MAST4: variants seen among roughly 807,000 people sequenced by gnomAD.
MAST4 encodes the protein microtubule associated serine/threonine kinase family member 4, also known as microtubule-associated serine/threonine-protein kinase 4.
A neutral mutation model predicts 162.7 loss-of-function variants in MAST4; 89 were observed. The observed-to-expected ratio is 0.55, with a 90% CI of 0.46 to 0.65. The LOEUF (loss-of-function observed/expected upper bound fraction) is 0.65, where lower values mean the gene tolerates loss of function less well. Ranked by LOEUF, MAST4 falls within the 30% of genes least tolerant of loss-of-function variation. The pLI, the probability that MAST4 is intolerant of heterozygous loss-of-function variation, is 0.00. For synonymous variants in MAST4, 1,479 were observed against 1,361.1 expected (o/e 1.09, Z -1.91); for missense variants, 3,153 against 3,374.0 (o/e 0.93, Z 1.62).
Position 67,164,196 on chromosome 5 carries a change from C to T in MAST4, c.5017C>T (p.Leu1673Phe). 6.2e-7 allele frequency: 1 copy of T among 1,612,812 alleles called. No individual in the cohort carries two copies. Among genetic ancestry groups the T allele is most frequent in the South Asian group, 1.1e-5 (1 of 90,720 alleles). Residue 1673 changes from leucine to phenylalanine, a missense_variant, in exon 29 of 29, where the codon CTT becomes TTT. Physicochemically the swap from Leu to Phe is conservative, Grantham distance 22. Around this residue, in one of 7 missense-constraint regions of MAST4, gnomAD observed 1,644 missense variants for 1,495.0 expected, o/e 1.10. Transcript: ENST00000403625. This position sits in a 1 kb window ranked among gnomAD's most constrained non-coding sequence, Gnocchi z 5.3. ...GGAGAAGTCCTCCCAGGCCAAGGAG[C>T]TTCTCCGATGTGAAAAGTTAGACAG... ...GTEKSSQAKE[L>F]LRCEKLDSKL...
At chr5:67,061,111 C>G (rs1759520546) in intron 5 of MAST4, among the ~76,000 whole-genome samples, 1 of 152,104 alleles carries the variant, frequency 6.6e-6, no homozygotes, top group Non-Finnish European at 1.5e-5. Context: ...GAGATAACCC[C>G]TATTACCAGT....
At chr5:67,041,668 G>T (rs1231386993) in intron 4 of MAST4, among the ~76,000 whole-genome samples, 1 of 152,132 alleles carries the variant, frequency 6.6e-6, no homozygotes, top group Non-Finnish European at 1.5e-5. Context: ...TTGCTCTGTT[G>T]CCCAAACTGG....
chr5:66,772,646 G>A (rs1754410773), intron 2 of MAST4, among the ~76,000 whole-genome samples: 2 of 152,196 alleles, frequency 1.3e-5, no homozygotes, highest in Admixed American at 1.3e-4. Flanking sequence ...GAAAGCAAGT[G>A]ACTTGCCTGG....
chr5:66,653,623 G>A (rs1746366596), intron 1 of MAST4, among the ~76,000 whole-genome samples: 1 of 152,128 alleles, frequency 6.6e-6, no homozygotes, highest in Non-Finnish European at 1.5e-5. Flanking sequence ...TTTCCAGATG[G>A]GCCAGGGTGA....
chr5:66,862,206 T>C (rs971237627), intron 3 of MAST4, among the ~76,000 whole-genome samples: 5 of 152,252 alleles, frequency 3.3e-5, no homozygotes, highest in Non-Finnish European at 7.3e-5. Context: ...CTTAGAGCTA[T>C]GTTGAAAATT....
chr5:66,682,250 G>T (rs1224187997), intron 1 of MAST4, among the ~76,000 whole-genome samples: 2 of 152,184 alleles, frequency 1.3e-5, no homozygotes, highest in Non-Finnish European at 2.9e-5. Flanking sequence ...GGCTTTGAGT[G>T]GTTGGTGCCT....
chr5:66,949,542 A>G (rs1268129853), intron 4 of MAST4, among the ~76,000 whole-genome samples: 2 of 152,152 alleles, frequency 1.3e-5, no homozygotes, highest in Non-Finnish European at 2.9e-5. Context: ...GCCATGCTGA[A>G]CTGTGAGTCA....
chr5:67,135,006 C>T (rs1176011973), intron 18 of MAST4, among the ~76,000 whole-genome samples: 1 of 152,142 alleles, frequency 6.6e-6, no homozygotes, highest in Non-Finnish European at 1.5e-5. Flanking sequence ...GCCGTCCAGT[C>T]TTCCTTTCCA....
intron 1 of MAST4, among the ~76,000 whole-genome samples, chr5:66,674,198 A>G (rs904818486): frequency 2.0e-5 from 3 of 152,220 alleles, no homozygotes; most frequent in Non-Finnish European, 2.9e-5. Context: ...TGACTTGGTA[A>G]TTAAATGCTT....
At chr5:66,910,729 G>GTTTTTTTTTT (rs796681892) in intron 4 of MAST4, among the ~76,000 whole-genome samples, 2 of 112,804 alleles carry the variant, frequency 1.8e-5, no homozygotes, top group African/African-American at 3.6e-5. Flanking sequence ...TACACATGTG[G>GTTTTTTTTTT]TTTTTTTTTT....
chr5:66,898,094 C>T (rs1762797266), intron 3 of MAST4, among the ~76,000 whole-genome samples: 1 of 152,122 alleles, frequency 6.6e-6, no homozygotes, highest in East Asian at 1.9e-4. Flanking sequence ...TTGGACAGAG[C>T]AGTATTATTC....
chr5:66,790,053 C>A (rs983739240), intron 3 of MAST4, among the ~76,000 whole-genome samples: 2 of 118,976 alleles, frequency 1.7e-5, no homozygotes, highest in East Asian at 2.8e-4. Context: ...GCCTTTGGCT[C>A]AGCTTAGAAG....
intron 26 of MAST4, among the ~76,000 whole-genome samples, chr5:67,157,596 T>C (rs1380346740): frequency 1.3e-5 from 2 of 152,228 alleles, no homozygotes; most frequent in African/African-American, 4.8e-5. Context: ...ACTCATTAAG[T>C]ACCAGCTATG....
intron 4 of MAST4, among the ~76,000 whole-genome samples, chr5:66,932,222 A>G (rs776155352): frequency 1.3e-5 from 2 of 152,186 alleles, no homozygotes; most frequent in Non-Finnish European, 2.9e-5. Context: ...ATCAGTTTAT[A>G]TGAGGTTGGC....
intron 4 of MAST4, among the ~76,000 whole-genome samples, chr5:66,953,664 C>A (rs1358440101): frequency 6.6e-6 from 1 of 151,978 alleles, no homozygotes; most frequent in Non-Finnish European, 1.5e-5. Context: ...TTCGAGTGCT[C>A]CTCCCTTGCC....
In MAST4 at chr5:66,969,814, G is replaced by A. The variant is rs192347312; in HGVS notation, c.674+69832G>A. Among the ~76,000 whole-genome samples the A allele has an allele frequency of 2.8e-4, 42 of 152,208 alleles. 1 individual carries two copies. The East Asian group carries it at 4.2e-3, about 15-fold the overall frequency. On this transcript the variant is annotated intron_variant, in intron 4 of 28. Transcript: ENST00000403625. Reference sequence around the variant, plus strand: ...CCACTAAACCCTTTTAGTTTCTTTCGCTTTTTACAATGAGAGGTCCCATTT... The same window carrying A: ...CCACTAAACCCTTTTAGTTTCTTTCACTTTTTACAATGAGAGGTCCCATTT...
chr5:66,925,227 T>C (rs1032743802), intron 4 of MAST4, among the ~76,000 whole-genome samples: 3 of 152,210 alleles, frequency 2.0e-5, no homozygotes, highest in Admixed American at 2.0e-4. Flanking sequence ...TGCTGCATCT[T>C]GAAACAGAAA....
At chr5:66,690,757 T>C (rs1288183418) in intron 1 of MAST4, among the ~76,000 whole-genome samples, 4 of 152,178 alleles carry the variant, frequency 2.6e-5, no homozygotes, top group African/African-American at 4.8e-5. Flanking sequence ...GCCAGAGCAA[T>C]GGAGGTTTTG....
Position 66,596,975 on chromosome 5 carries a change from C to T in MAST4, c.320C>T (p.Ala107Val). ...PPLPGGAVPP[A>V]PRGSSASQEE... ...CTTCCCGGAGGAGCTGTGCCGCCCG[C>T]GCCCCGGGGCAGCAGCGCGTCCCAG... The change falls in exon 1 of 29, where the codon GCG becomes GTG. Residue 107 changes from alanine (A) to valine (V), a missense_variant. By Grantham distance (64) the Ala-to-Val change is moderately conservative. Around this residue, in one of 7 missense-constraint regions of MAST4, gnomAD observed 327 missense variants for 336.5 expected, o/e 0.97. Transcript: ENST00000403625. 8 of 1,448,790 alleles carry T rather than the reference C, an allele frequency of 5.5e-6. No individual in the cohort carries two copies. Among genetic ancestry groups the T allele is most frequent in the Non-Finnish European group, 7.2e-6 (8 of 1,105,354 alleles). 89.7% of individuals were successfully genotyped at this position (1,448,790 alleles called of 1,614,324 possible).
Sources: gnomAD v4.1 joint callset for allele counts (sites outside exome capture counted in the v4.1 genomes callset) on GRCh38, gnomAD v4.1.1 for gene constraint, gnomAD v4.1.1 regional missense constraint, Gnocchi (gnomAD v3.1) non-coding constraint, MANE v1.5 for transcripts, NCBI Gene and HGNC (gene_info 2026-07-23, HGNC 2026-07-21) for gene names.